The following ARHGEF3 variants were observed in gnomAD, a reference collection of about 807,000 sequenced individuals.
ARHGEF3 encodes the protein Rho guanine nucleotide exchange factor 3.
ARHGEF3 carries 28 observed loss-of-function variants against 63.2 expected under a neutral mutation model. That is an observed-to-expected ratio of 0.44 (90% CI 0.33 to 0.61). The LOEUF (loss-of-function observed/expected upper bound fraction) is 0.61. ARHGEF3 is among the 20% of genes least tolerant of loss of function. ARHGEF3 has a pLI of 0.03. For missense variants in ARHGEF3, 533 were observed against 659.3 expected (o/e 0.81, Z 2.10); for synonymous variants, 266 against 254.2 (o/e 1.05, Z -0.44).
chr3:56,842,212 G>A (rs1427854982), intron 4 of ARHGEF3, among the ~76,000 whole-genome samples: 1 of 152,108 alleles, frequency 6.6e-6, no homozygotes, highest in Non-Finnish European at 1.5e-5. Context: ...TGCATCACCA[G>A]TCAAATGTGG....
chr3:56,772,686 A>C (rs1196159611), intron 2 of ARHGEF3, among the ~76,000 whole-genome samples: 1 of 152,242 alleles, frequency 6.6e-6, no homozygotes, highest in East Asian at 1.9e-4. Context: ...ACTACTTGTT[A>C]ACTAAAAAAC....
At chr3:57,073,792 C>T in intron 1 of ARHGEF3, 1 of 1,614,228 alleles carries the variant, frequency 6.2e-7, no homozygotes, top group Non-Finnish European at 8.5e-7. Context: ...GTTCCATGGC[C>T]ACCCAGAGGC....
At chr3:56,917,881 A>C (rs2042027085) in intron 3 of ARHGEF3, among the ~76,000 whole-genome samples, 1 of 152,194 alleles carries the variant, frequency 6.6e-6, no homozygotes, top group Non-Finnish European at 1.5e-5. Flanking sequence ...TCACTGTAAA[A>C]AGCCTTACGC....
chr3:56,822,343 C>T (rs1418215715), intron 4 of ARHGEF3, among the ~76,000 whole-genome samples: 10 of 152,110 alleles, frequency 6.6e-5, no homozygotes, highest in Admixed American at 3.3e-4. Flanking sequence ...GCACTAATTG[C>T]CCTGAAATCC....
At chr3:56,742,723 T>G (rs997939558) in intron 7 of ARHGEF3, among the ~76,000 whole-genome samples, 2 of 152,250 alleles carry the variant, frequency 1.3e-5, no homozygotes, top group Non-Finnish European at 2.9e-5. Context: ...GAAGACTTGC[T>G]TTGCAGACAT....
At chr3:56,771,720 C>T (rs1477436952) in intron 2 of ARHGEF3, among the ~76,000 whole-genome samples, 2 of 152,188 alleles carry the variant, frequency 1.3e-5, no homozygotes, top group East Asian at 1.9e-4. Context: ...TCAACACTGA[C>T]TGAATGAATG....
chr3:56,897,846 T>G lies in ARHGEF3; in HGVS notation c.130-15492A>C, dbSNP rs961258854. 3.9e-5 allele frequency among the ~76,000 whole-genome samples: 6 copies of G among 152,308 alleles called. No homozygotes were observed. In the East Asian group the frequency reaches 1.2e-3, roughly 29 times the overall value. ...TCCCAAAGTGTTGGGATTACAGGCG[T>G]GAGCCACCATGCCCGGCCCTATTTT... is the stretch of plus-strand genomic sequence containing the variant. On this transcript the variant is annotated intron_variant, in intron 3 of 12. Coordinates refer to the ARHGEF3 transcript ENST00000338458.
At position 56,729,493 on chromosome 3, in the gene ARHGEF3, C is replaced by T. The variant is rs1446663716; in HGVS notation, c.1358G>A (p.Cys453Tyr). The part of the protein sequence containing the change: ...CIRQAKETVL[C>Y]AAGQAGVLDS... Reference sequence around the variant, plus strand: ...AAGCACCCCAGCTTGCCCGGCAGCACACAAAACTGTTTCTTTGGCTTGACG... The same window carrying T: ...AAGCACCCCAGCTTGCCCGGCAGCATACAAAACTGTTTCTTTGGCTTGACG... Residue 453 changes from cysteine (C) to tyrosine (Y), a missense_variant, in exon 10 of 10, where the codon TGT (cysteine) becomes TAT (tyrosine). Transcript: ENST00000296315. 6.2e-7 allele frequency: 1 copy of T among 1,614,084 alleles called. No homozygotes were observed. Among genetic ancestry groups the T allele is most frequent in the African/African-American group, 1.3e-5 (1 of 74,928 alleles).
intron 4 of ARHGEF3, among the ~76,000 whole-genome samples, chr3:56,855,678 C>CA (rs554805338): frequency 2.5e-3 from 294 of 117,730 alleles, no homozygotes; most frequent in East Asian, 5.0e-3. Flanking sequence ...GAGACTGTCT[C>CA]AAAAAAAAAA....
intron 3 of ARHGEF3, among the ~76,000 whole-genome samples, chr3:56,952,738 A>G (rs1052369658): frequency 5.3e-5 from 8 of 152,202 alleles, no homozygotes; most frequent in African/African-American, 1.9e-4. Flanking sequence ...TTTAGTAATT[A>G]CCATTACAAA....
chr3:56,856,124 G>A (rs1226294918), intron 4 of ARHGEF3, among the ~76,000 whole-genome samples: 1 of 152,146 alleles, frequency 6.6e-6, no homozygotes, highest in African/African-American at 2.4e-5. Context: ...GTCTGGTAGG[G>A]GTCTGGACAA....
At chr3:56,914,572 G>A (rs577938261) in intron 3 of ARHGEF3, among the ~76,000 whole-genome samples, 7 of 152,272 alleles carry the variant, frequency 4.6e-5, no homozygotes, top group African/African-American at 7.2e-5. Flanking sequence ...ATGCAATAGT[G>A]TCGTATATTC....
At chr3:56,916,245 C>T (rs919757921) in intron 3 of ARHGEF3, 10 of 1,510,122 alleles carry the variant, frequency 6.6e-6, no homozygotes, top group Middle Eastern at 3.4e-4. Context: ...CCTGGCACCA[C>T]CCCACCCGGC....
chr3:56,770,239 G>A lies in ARHGEF3; in HGVS notation c.204+3470C>T, dbSNP rs150157245. 7.2e-3 allele frequency among the ~76,000 whole-genome samples: 1,099 copies of A among 151,860 alleles called. 18 individuals carry two copies. Among genetic ancestry groups the A allele is most frequent in the African/African-American group, 0.025 (1,053 of 41,384 alleles). On this transcript the variant is annotated intron_variant, in intron 2 of 9. Transcript: ENST00000296315. ...CCAGCCTGGCCAACATGGCGAAACC[G>A]TCTCTACTAAAAACACAAAAATTAG...
chr3:56,870,589 C>T (rs2040404452), intron 4 of ARHGEF3, among the ~76,000 whole-genome samples: 1 of 151,958 alleles, frequency 6.6e-6, no homozygotes, highest in African/African-American at 2.4e-5. Context: ...TGTACAAAAC[C>T]ACAAGTGAAC....
chr3:56,932,003 A>G (rs2042424680), intron 3 of ARHGEF3, among the ~76,000 whole-genome samples: 1 of 152,268 alleles, frequency 6.6e-6, no homozygotes, highest in Non-Finnish European at 1.5e-5. Context: ...AATTCCTCCA[A>G]GTTCACTTTT....
intron 3 of ARHGEF3, among the ~76,000 whole-genome samples, chr3:56,937,353 A>G (rs752430687): frequency 1.3e-5 from 2 of 152,248 alleles, no homozygotes; most frequent in Non-Finnish European, 2.9e-5. Context: ...TTAGATGTGA[A>G]GAATCATAGT....
rs2040173680 is a variant in ARHGEF3 at position 56,864,335 on chromosome 3, C to A, written c.192+17957G>T. 2.0e-5 allele frequency among the ~76,000 whole-genome samples: 3 copies of A among 152,218 alleles called. No individual in the cohort carries two copies. In the South Asian group the frequency reaches 6.2e-4, roughly 31 times the overall value. Reference sequence around the variant, plus strand: ...AGCATGTTCCATCCTGCCACAGGGCCCTTGCACATGCTGTTCCCAAGGTCA... The same window carrying A: ...AGCATGTTCCATCCTGCCACAGGGCACTTGCACATGCTGTTCCCAAGGTCA... On this transcript the variant is annotated intron_variant, in intron 4 of 12. Transcript: ENST00000338458.
At chr3:56,883,254 T>C (rs1234313072) in intron 3 of ARHGEF3, among the ~76,000 whole-genome samples, 1 of 152,196 alleles carries the variant, frequency 6.6e-6, no homozygotes, top group African/African-American at 2.4e-5. Context: ...ATTTGTACAT[T>C]TATGACCAGG....
Sources: allele counts gnomAD v4.1 joint callset (sites outside exome capture counted in the v4.1 genomes callset), GRCh38; gene constraint gnomAD v4.1.1; transcripts MANE v1.5; gene names NCBI Gene and HGNC (gene_info 2026-07-23, HGNC 2026-07-21).